The following RYR3 variants were observed in gnomAD, a reference collection of about 807,000 sequenced individuals.
RYR3 encodes the protein brain ryanodine receptor-calcium release channel.
RYR3 carries 207 observed loss-of-function variants against 584.3 expected under a neutral mutation model. The observed-to-expected ratio is 0.35, with a 90% CI of 0.32 to 0.40. The LOEUF is 0.40. Ranked by LOEUF, RYR3 falls within the 10% of genes least tolerant of loss-of-function variation. The pLI is 1.00. For missense variants in RYR3, 5,616 were observed against 6,089.2 expected (o/e 0.92, Z 2.59); for synonymous variants, 2,416 against 2,248.5 (o/e 1.07, Z -2.11).
intron 34 of RYR3, among the ~76,000 whole-genome samples, 159 bp from the exon 35 acceptor site, chr15:33,661,994 G>C (rs556538341): frequency 1.3e-5 from 2 of 152,276 alleles, no homozygotes; most frequent in South Asian, 4.1e-4. Flanking sequence ...ACTGGAATAC[G>C]GACCAGAGCT....
At position 33,691,952 on chromosome 15, in the gene RYR3, G is replaced by A. The variant is rs1350164878; in HGVS notation, c.5861-4266G>A. Among the ~76,000 whole-genome samples the A allele has an allele frequency of 2.6e-5, 4 of 152,178 alleles. No individual in the cohort carries two copies. In the East Asian group the frequency reaches 7.7e-4, roughly 29 times the overall value. ...GATGAAAAAGGCCAACAATATCTTA[G>A]AATTTTTATGAAAACACATTTGGAC... On this transcript the variant is annotated intron_variant, in intron 38 of 103. Coordinates refer to ENST00000634891, the MANE Select transcript of RYR3 (RefSeq NM_001036.6).
intron 19 of RYR3, among the ~76,000 whole-genome samples, chr15:33,619,811 G>A (rs895250756): frequency 6.6e-6 from 1 of 152,162 alleles, no homozygotes; most frequent in African/African-American, 2.4e-5. Flanking sequence ...AGGGAGAGAT[G>A]ACTGGAGAAT....
chr15:33,445,234 G>A (rs1351707398), intron 1 of RYR3, among the ~76,000 whole-genome samples: 2 of 152,138 alleles, frequency 1.3e-5, no homozygotes, highest in Non-Finnish European at 2.9e-5. Flanking sequence ...AGGGTGATGC[G>A]AAGGGGGCAC....
At chr15:33,835,912 A>G (rs1030065892) in intron 87 of RYR3, among the ~76,000 whole-genome samples, 11 of 152,154 alleles carry the variant, frequency 7.2e-5, no homozygotes, top group Non-Finnish European at 1.3e-4. Context: ...ACTTTTGGAA[A>G]GCCACTTTCC....
intron 32 of RYR3, among the ~76,000 whole-genome samples, chr15:33,653,595 G>C (rs2062629424): frequency 6.6e-6 from 1 of 151,804 alleles, no homozygotes; most frequent in Non-Finnish European, 1.5e-5. Context: ...GCTTGAACCT[G>C]GGAGGCAGAG....
intron 92 of RYR3, 111 bp from the exon 93 acceptor site, chr15:33,844,751 T>G: frequency 1.1e-6 from 1 of 899,102 alleles, no homozygotes; most frequent in East Asian, 2.6e-5. Context: ...CAAGTAATGT[T>G]GAGTCACTAC....
rs1478699915 is a variant in RYR3 at position 33,857,791 on chromosome 15, T to A, written c.14019T>A (p.Thr4673=). 1 of 1,614,108 alleles carries A rather than the reference T, an allele frequency of 6.2e-7. No homozygotes were observed. The highest frequency in any genetic ancestry group is 8.5e-7 in the Non-Finnish European group (1 of 1,179,926). ...CCTCTCATTCCCAGTTGGTTCTGAC[T>A]GTCGGTCTCCTGGCCGTGGTGGTTT... The part of the protein sequence containing the change: ...VTHNGKQLVL[T]VGLLAVVVYL... Residue 4673 remains threonine (T), a synonymous_variant, in exon 99 of 104, where the codon ACT becomes ACA. Transcript: ENST00000634891.
chr15:33,492,714 T>TA (rs2051075164), intron 2 of RYR3, among the ~76,000 whole-genome samples: 1 of 152,168 alleles, frequency 6.6e-6, no homozygotes, highest in African/African-American at 2.4e-5. Context: ...CCCAAAGTGA[T>TA]AAATGATGCT....
chr15:33,814,372 A>G (rs546664373), intron 74 of RYR3, among the ~76,000 whole-genome samples: 1 of 152,386 alleles, frequency 6.6e-6, no homozygotes, highest in African/African-American at 2.4e-5. Context: ...TCAAATCAGT[A>G]GGAATATTCT....
chr15:33,669,857 G>GGTGGT lies in RYR3; in HGVS notation c.5722+404_5722+405insGTGTG, dbSNP rs1555401711. Among the ~76,000 whole-genome samples the GGTGGT allele has an allele frequency of 1.5e-3, 89 of 60,238 alleles. 15 individuals are homozygous for GGTGGT. The highest frequency in any genetic ancestry group is 3.4e-3 in the East Asian group (7 of 2,072). 39.5% of individuals were successfully genotyped at this position (60,238 alleles called of 152,430 possible). Reference sequence around the variant, plus strand: ...GTGTGTGTGTGTGGGGGGGGGGGGGGGTGTGGGTGTGTGGGTGTGTGTGGT... The same window carrying GGTGGT: ...GTGTGTGTGTGTGGGGGGGGGGGGGGGTGGTGTGTGGGTGTGTGGGTGTGTGTGGT... On this transcript the variant is annotated intron_variant, in intron 37 of 103. Coordinates refer to ENST00000634891, the MANE Select transcript of RYR3 (RefSeq NM_001036.6).
At chr15:33,744,727 G>A (rs772486083) in intron 52 of RYR3, among the ~76,000 whole-genome samples, 2 of 152,232 alleles carry the variant, frequency 1.3e-5, no homozygotes, top group Non-Finnish European at 2.9e-5. Context: ...GGAGGCAAGA[G>A]ACAGTTTGGC....
chr15:33,612,080 T>C (rs2060222530), intron 18 of RYR3, among the ~76,000 whole-genome samples: 1 of 152,236 alleles, frequency 6.6e-6, no homozygotes, highest in Non-Finnish European at 1.5e-5. Flanking sequence ...ACTCCTCTTT[T>C]GTTGCTCTCT....
chr15:33,414,884 C>T lies in RYR3; in HGVS notation c.52-58535C>T, dbSNP rs544159713. Among the ~76,000 whole-genome samples, 71 of 152,278 alleles carry T rather than the reference C, an allele frequency of 4.7e-4. 2 individuals carry two copies. The South Asian group carries it at 0.012, about 26-fold the overall frequency. ...CTGGGATTACAGGCGTGAGCCACCG[C>T]GCCGGCCTTAATAAGTACTTTGTGT... On this transcript the variant is annotated intron_variant, in intron 1 of 103. Transcript: ENST00000634891.
At chr15:33,509,870 C>T (rs925002246) in intron 3 of RYR3, among the ~76,000 whole-genome samples, 1 of 152,218 alleles carries the variant, frequency 6.6e-6, no homozygotes, top group Non-Finnish European at 1.5e-5. Context: ...CTCCTCCCTA[C>T]ACCTGATTGG....
At chr15:33,780,140 G>A (rs1418675662) in intron 64 of RYR3, 71 bp from the exon 65 acceptor site, 3 of 1,571,560 alleles carry the variant, frequency 1.9e-6, no homozygotes, top group Non-Finnish European at 2.6e-6. Context: ...CTATGGGGAA[G>A]GCCTGATCTG....
intron 1 of RYR3, among the ~76,000 whole-genome samples, chr15:33,338,258 T>C: frequency 6.6e-6 from 1 of 152,084 alleles, no homozygotes; most frequent in Non-Finnish European, 1.5e-5. Flanking sequence ...TTTAGGAGAT[T>C]TATTTAAGGA....
intron 1 of RYR3, chr15:33,465,903 C>T (rs1233968228): frequency 4.5e-6 from 2 of 448,710 alleles, no homozygotes; most frequent in African/African-American, 4.0e-5. Flanking sequence ...CTTCATCTCT[C>T]CGTCTCTTCC....
chr15:33,631,113 A>G (rs1495279), intron 22 of RYR3, 97 bp from the exon 23 acceptor site: 240,001 of 727,496 alleles, frequency 0.33, 44,294 homozygotes, highest in Non-Finnish European at 0.39. Context: ...GGCTAAATGA[A>G]TGGCTCTTGT....
At chr15:33,651,378 A>G (rs2062452643) in intron 31 of RYR3, among the ~76,000 whole-genome samples, 1 of 152,264 alleles carries the variant, frequency 6.6e-6, no homozygotes, top group Non-Finnish European at 1.5e-5. Context: ...CTGCAGTTAT[A>G]GAACTCTAAT....
Sources: gnomAD v4.1 joint callset for allele counts (sites outside exome capture counted in the v4.1 genomes callset) on GRCh38, gnomAD v4.1.1 for gene constraint, MANE v1.5 for transcripts, NCBI Gene and HGNC (gene_info 2026-07-23, HGNC 2026-07-21) for gene names.